PRKCH: variants seen among roughly 807,000 people sequenced by gnomAD.
PRKCH encodes the protein protein kinase C eta.
Under a neutral mutation model 82.5 loss-of-function variants are expected in PRKCH, and 28 were observed. The observed-to-expected ratio is 0.34, with a 90% CI of 0.25 to 0.47. The LOEUF (loss-of-function observed/expected upper bound fraction) is 0.47. PRKCH is among the 20% of genes least tolerant of loss of function. PRKCH has a pLI of 1.00. For missense variants in PRKCH, 705 were observed against 881.8 expected (o/e 0.80, Z 2.54); for synonymous variants, 322 against 327.4 (o/e 0.98, Z 0.18).
At chr14:61,206,528 A>C (rs1449056055) in intron 1 of PRKCH, among the ~76,000 whole-genome samples, 1 of 152,190 alleles carries the variant, frequency 6.6e-6, no homozygotes, top group Non-Finnish European at 1.5e-5. Flanking sequence ...GTTTCCAGGT[A>C]GATATGAATT....
intron 1 of PRKCH, among the ~76,000 whole-genome samples, chr14:61,216,390 G>GGGTGGGGTT (rs758560129): frequency 6.6e-6 from 1 of 152,020 alleles, no homozygotes; most frequent in Non-Finnish European, 1.5e-5. Flanking sequence ...ATTTGAACCA[G>GGGTGGGGTT]GGTGGGGTTG....
At chr14:61,537,793 A>C (rs996522338) in intron 12 of PRKCH, 1 of 152,240 alleles carries the variant, frequency 6.6e-6, no homozygotes, top group African/African-American at 2.4e-5. Flanking sequence ...AGGAGATTAT[A>C]AAGTGCTTTT....
chr14:61,460,045 C>T (rs914274520), intron 9 of PRKCH, among the ~76,000 whole-genome samples: 3 of 152,092 alleles, frequency 2.0e-5, no homozygotes, highest in Admixed American at 2.0e-4. Context: ...TGGGGTTTTG[C>T]CATGTTTCCC....
chr14:61,323,023 G>A (rs9989172), intron 1 of PRKCH, among the ~76,000 whole-genome samples: 7,875 of 152,208 alleles, frequency 0.052, 513 homozygotes, highest in African/African-American at 0.15. Context: ...CACGTTGGCA[G>A]TTTTATTATT....
At chr14:61,190,511 A>T (rs188459068) in intron 1 of PRKCH, among the ~76,000 whole-genome samples, 6 of 152,028 alleles carry the variant, frequency 3.9e-5, no homozygotes, top group Admixed American at 3.3e-4. Flanking sequence ...GCAAACAAAA[A>T]CCCCAGGAAT....
chr14:61,261,878 T>C (rs1436155003), intron 1 of PRKCH, among the ~76,000 whole-genome samples: 2 of 152,240 alleles, frequency 1.3e-5, no homozygotes, highest in East Asian at 3.9e-4. Context: ...GTCCTAAGTA[T>C]TACCTGAAAT....
At chr14:61,343,319 T>C (rs1478457712) in intron 1 of PRKCH, among the ~76,000 whole-genome samples, 2 of 125,714 alleles carry the variant, frequency 1.6e-5, no homozygotes, top group East Asian at 4.4e-4. Context: ...TCCTAAAGAA[T>C]GTCCCTTTAG....
intron 1 of PRKCH, among the ~76,000 whole-genome samples, chr14:61,355,446 G>A (rs1335576640): frequency 6.6e-6 from 1 of 151,882 alleles, no homozygotes; most frequent in African/African-American, 2.4e-5. Flanking sequence ...AGCTCCTTGA[G>A]GGAAGGGATA....
chr14:61,213,755 A>T (rs2044598918), intron 1 of PRKCH, among the ~76,000 whole-genome samples: 1 of 152,226 alleles, frequency 6.6e-6, no homozygotes, highest in African/African-American at 2.4e-5. Context: ...TTCTCCCTGC[A>T]CCTGGGTCTA....
At chr14:61,386,806 T>C (rs1177764882) in intron 1 of PRKCH, among the ~76,000 whole-genome samples, 2 of 152,182 alleles carry the variant, frequency 1.3e-5, no homozygotes, top group Non-Finnish European at 2.9e-5. Context: ...CATAGAGGGA[T>C]GTGATAATTG....
intron 9 of PRKCH, chr14:61,476,478 CT>C (rs1239437500): frequency 1.3e-5 from 2 of 152,214 alleles, no homozygotes; most frequent in Non-Finnish European, 2.9e-5. Context: ...TGCTGTACCC[CT>C]GATCATATGT....
Position 61,505,395 on chromosome 14 carries a change from C to CTTTTCTT in PRKCH, c.1433+19743_1433+19744insCTTTTTT, listed in dbSNP as rs762878496. On this transcript the variant is annotated intron_variant, in intron 10 of 13. Transcript: ENST00000332981. ...TTTGTCTTTTCTTTTCTTTTCTTTT[C>CTTTTCTT]TTTTTTTTTTTTTTTTTTTTTTTTT... Among the ~76,000 whole-genome samples, 26 of 55,774 alleles carry CTTTTCTT rather than the reference C, an allele frequency of 4.7e-4. 1 individual carries two copies. In the East Asian group the frequency reaches 0.017, roughly 37 times the overall value. 36.6% of individuals were successfully genotyped at this position (55,774 alleles called of 152,430 possible).
At chr14:61,429,869 A>T (rs556150113) in intron 2 of PRKCH, among the ~76,000 whole-genome samples, 1 of 152,208 alleles carries the variant, frequency 6.6e-6, no homozygotes, top group Non-Finnish European at 1.5e-5. Context: ...TCTGCTGGCC[A>T]GAATAATACT....
At chr14:61,250,025 C>T (rs1393190718) in intron 1 of PRKCH, among the ~76,000 whole-genome samples, 1 of 149,456 alleles carries the variant, frequency 6.7e-6, no homozygotes, top group African/African-American at 2.5e-5. Flanking sequence ...TTTGGGAGGC[C>T]GAGATGGGTG....
intron 1 of PRKCH, among the ~76,000 whole-genome samples, chr14:61,232,031 T>A (rs1028091966): frequency 3.9e-5 from 6 of 152,136 alleles, no homozygotes; most frequent in African/African-American, 7.2e-5. Flanking sequence ...GAGGGTTCAG[T>A]CCTCAAGACA....
chr14:61,351,738 A>T (rs532209282), intron 1 of PRKCH, among the ~76,000 whole-genome samples: 13 of 152,306 alleles, frequency 8.5e-5, no homozygotes, highest in African/African-American at 2.4e-4. Context: ...ATTAGTCAGG[A>T]TAGTGACATG....
intron 1 of PRKCH, among the ~76,000 whole-genome samples, chr14:61,354,372 A>T (rs762556488): frequency 6.6e-6 from 1 of 151,352 alleles, no homozygotes; most frequent in East Asian, 1.9e-4. Context: ...ACTGGTTTAC[A>T]TAATTTACCA....
chr14:61,479,521 C>T lies in PRKCH; in HGVS notation c.1279-5981C>T, dbSNP rs10483735. ...CCCTGCCTGGTCCATGCTCGCTCTC[C>T]AGTCACTTTCCTTAGTTAGTATCAT... On this transcript the variant is annotated intron_variant, in intron 9 of 13. Coordinates refer to ENST00000332981, the MANE Select transcript of PRKCH (RefSeq NM_006255.5). Among the ~76,000 whole-genome samples the T allele has an allele frequency of 0.019, 2,924 of 152,258 alleles. 165 individuals carry two copies. In the East Asian group the frequency reaches 0.24, roughly 12 times the overall value.
chr14:61,338,609 T>G (rs2045888984), intron 1 of PRKCH, among the ~76,000 whole-genome samples: 1 of 152,176 alleles, frequency 6.6e-6, no homozygotes, highest in African/African-American at 2.4e-5. Flanking sequence ...AATGTATTAA[T>G]GACAGCCTGC....
Sources: gnomAD v4.1 joint callset for allele counts (sites outside exome capture counted in the v4.1 genomes callset) on GRCh38, gnomAD v4.1.1 for gene constraint, MANE v1.5 for transcripts, NCBI Gene and HGNC (gene_info 2026-07-23, HGNC 2026-07-21) for gene names.